Variants in KSR1 observed in about 807,000 individuals in gnomAD.
The protein encoded by KSR1 is kinase suppressor of ras.
Under a neutral mutation model 92.9 loss-of-function variants are expected in KSR1, and 35 were observed. The ratio of observed to expected loss-of-function variants is 0.38; its 90% CI spans 0.29 to 0.50. KSR1 has a LOEUF of 0.50. Among genes scored for constraint, KSR1 ranks in the 20% least tolerant of loss-of-function variants. KSR1 has a pLI of 0.94. For missense variants in KSR1, 972 were observed against 1,158.5 expected, an observed-to-expected ratio of 0.84 and a Z score of 2.34; for synonymous variants, 467 against 472.6, an observed-to-expected ratio of 0.99 and a Z score of 0.15.
At chr17:27,491,101 A>C (rs984683714) in intron 1 of KSR1, among the ~76,000 whole-genome samples, 1 of 152,120 alleles carries the variant, frequency 6.6e-6, no homozygotes, top group African/African-American at 2.4e-5. Context: ...ATACACACAG[A>C]TACACAAAGC....
rs764014031 is a variant in KSR1 at position 27,582,641 on chromosome 17, C to A, written c.521-5C>A. ...CCATCTGTGACTCCACGTCTTGGTC[C>A]ACAGGAGGGGAGCACAAGGAGGACT... On this transcript the variant is annotated splice_region_variant and splice_polypyrimidine_tract_variant and intron_variant, in intron 3 of 20. Coordinates refer to ENST00000644974, the MANE Select transcript of KSR1 (RefSeq NM_001394583.1). 4.4e-6 allele frequency: 7 copies of A among 1,601,792 alleles called. No individual in the cohort carries two copies. In the East Asian group the frequency reaches 1.3e-4, roughly 31 times the overall value.
intron 2 of KSR1, among the ~76,000 whole-genome samples, chr17:27,573,767 G>A (rs920416278): frequency 6.6e-6 from 1 of 152,218 alleles, no homozygotes; most frequent in Admixed American, 6.5e-5. Context: ...TCAGCCACTT[G>A]TTAAGCTGTG....
At chr17:27,474,317 A>G (rs997559862) in intron 1 of KSR1, among the ~76,000 whole-genome samples, 2 of 152,246 alleles carry the variant, frequency 1.3e-5, no homozygotes, top group African/African-American at 4.8e-5. Flanking sequence ...AAGCCAGGCA[A>G]TGCTTATGTT....
At chr17:27,581,083 G>A (rs1365448148) in intron 3 of KSR1, among the ~76,000 whole-genome samples, 1 of 152,170 alleles carries the variant, frequency 6.6e-6, no homozygotes, top group East Asian at 1.9e-4. Flanking sequence ...AAGCATAGCA[G>A]CTTCTGGTTC....
chr17:27,528,634 C>T (rs1199484042), intron 1 of KSR1, among the ~76,000 whole-genome samples: 2 of 152,090 alleles, frequency 1.3e-5, no homozygotes, highest in Non-Finnish European at 2.9e-5. Context: ...CATAGTGGCT[C>T]ACGTCTGTAA....
At chr17:27,498,960 T>C (rs960018008) in intron 1 of KSR1, among the ~76,000 whole-genome samples, 9 of 152,078 alleles carry the variant, frequency 5.9e-5, no homozygotes, top group African/African-American at 2.2e-4. Flanking sequence ...AGATCTGAGT[T>C]AGGTTTTGAG....
At position 27,616,569 on chromosome 17, in the gene KSR1, G is replaced by A. The variant is rs559001401; in HGVS notation, c.2494-726G>A. On this transcript the variant is annotated intron_variant, in intron 18 of 20. Coordinates refer to ENST00000644974, the MANE Select transcript of KSR1 (RefSeq NM_001394583.1). ...TCTGCTTATCTTTGATCTCTCTCTG[G>A]TTTTCCTGATACGGCAGGCAACCCC... is the stretch of plus-strand genomic sequence containing the variant. Among the ~76,000 whole-genome samples, 31 of 152,272 alleles carry A rather than the reference G, an allele frequency of 2.0e-4. No homozygotes were observed. In the South Asian group the frequency reaches 6.4e-3, roughly 32 times the overall value.
intron 6 of KSR1, among the ~76,000 whole-genome samples, chr17:27,590,220 G>A (rs1280183619): frequency 6.6e-6 from 1 of 152,102 alleles, no homozygotes; most frequent in Non-Finnish European, 1.5e-5. Context: ...TTTTTTTCCT[G>A]TACTTGAACT....
chr17:27,457,599 C>G (rs1209402294), intron 1 of KSR1, among the ~76,000 whole-genome samples: 3 of 152,122 alleles, frequency 2.0e-5, no homozygotes, highest in Non-Finnish European at 2.9e-5. Context: ...TGGAGACAGT[C>G]TGGAGTGTAA....
At position 27,503,500 on chromosome 17, in the gene KSR1, AT is replaced by A. The variant is rs2069265342; in HGVS notation, c.231+46628del. On this transcript the variant is annotated intron_variant, in intron 1 of 20. Coordinates refer to ENST00000644974, the MANE Select transcript of KSR1 (RefSeq NM_001394583.1). ...AATCACTTGAGGTCAGAAGTTCGAG[AT>A]TCTCTGATCTAAAGAGAAGACAAAA... Among the ~76,000 whole-genome samples, 4 of 152,198 alleles carry A rather than the reference AT, an allele frequency of 2.6e-5. No individual in the cohort carries two copies. The South Asian group carries it at 8.3e-4, about 32-fold the overall frequency.
intron 10 of KSR1, among the ~76,000 whole-genome samples, chr17:27,600,212 A>G (rs1270386238): frequency 6.8e-6 from 1 of 146,282 alleles, no homozygotes; most frequent in African/African-American, 2.6e-5. Context: ...AGGTGGGCGG[A>G]TCACCTGAGA....
At chr17:27,593,014 G>A (rs1361560983) in intron 9 of KSR1, among the ~76,000 whole-genome samples, 1 of 152,240 alleles carries the variant, frequency 6.6e-6, no homozygotes, top group Non-Finnish European at 1.5e-5. Flanking sequence ...CTCGGCAGCT[G>A]CCCAGCCCCA....
chr17:27,551,938 AG>A (rs1468306918), intron 2 of KSR1, among the ~76,000 whole-genome samples: 38 of 152,256 alleles, frequency 2.5e-4, no homozygotes, highest in African/African-American at 7.9e-4. Flanking sequence ...TGTTTCCTTC[AG>A]GATAAACGCC....
chr17:27,466,829 G>A (rs2019722994), intron 1 of KSR1, among the ~76,000 whole-genome samples: 1 of 152,258 alleles, frequency 6.6e-6, no homozygotes, highest in Non-Finnish European at 1.5e-5. Context: ...CGCTGGAGTC[G>A]AGGCTCCCAC....
chr17:27,621,304 C>G (rs1353756920), intron 20 of KSR1, 31 bp downstream of exon 20: 1 of 398,662 alleles, frequency 2.5e-6, no homozygotes, highest in Non-Finnish European at 4.4e-6. Context: ...TCGCTGGCTG[C>G]CTGTCTCTGG....
intron 1 of KSR1, 76 bp downstream of exon 1, chr17:27,456,950 C>T (rs2019201480): frequency 1.4e-6 from 1 of 723,094 alleles, no homozygotes; most frequent in Non-Finnish European, 2.5e-6. Context: ...TACTCCTGGC[C>T]GAGTTGCATC....
chr17:27,602,010 A>G (rs4332787), intron 11 of KSR1: 178,040 of 1,280,330 alleles, frequency 0.14, 13,728 homozygotes, highest in Admixed American at 0.26. Flanking sequence ...TACACTTACT[A>G]TGTACCAACC....
intron 2 of KSR1, among the ~76,000 whole-genome samples, chr17:27,572,033 G>C (rs996687592): frequency 6.6e-6 from 1 of 152,192 alleles, no homozygotes; most frequent in African/African-American, 2.4e-5. Context: ...TGGGGGAGGG[G>C]GTAGCACGTT....
chr17:27,525,991 A>ACCTTTTCTTTTCTTTT (rs755997835), intron 1 of KSR1, among the ~76,000 whole-genome samples: 12 of 71,200 alleles, frequency 1.7e-4, no homozygotes, highest in African/African-American at 9.5e-4. Context: ...ACTGCAACTA[A>ACCTTTTCTTTTCTTTT]CTTTTCTTTT....
Sources: gnomAD v4.1 joint callset for allele counts (sites outside exome capture counted in the v4.1 genomes callset) on GRCh38, gnomAD v4.1.1 for gene constraint, MANE v1.5 for transcripts, NCBI Gene and HGNC (gene_info 2026-07-23, HGNC 2026-07-21) for gene names.